The following IL1RAPL2 variants were observed in gnomAD, a reference collection of about 807,000 sequenced individuals.
IL1RAPL2 encodes X-linked interleukin-1 receptor accessory protein-like 2.
Under a neutral mutation model 44.1 loss-of-function variants are expected in IL1RAPL2, and 3 were observed. The ratio of observed to expected loss-of-function variants is 0.07; its 90% confidence interval spans 0.03 to 0.18. The LOEUF (loss-of-function observed/expected upper bound fraction) is 0.18. Ranked by LOEUF, IL1RAPL2 falls within the 10% of genes least tolerant of loss-of-function variation. The probability of loss-of-function intolerance (pLI) is 1.00; values close to 1 mark genes in which losing one functional copy is unlikely to be tolerated. For missense variants in IL1RAPL2, 391 were observed against 496.4 expected (o/e 0.79, Z 2.02); for synonymous variants, 181 against 178.8 (o/e 1.01, Z -0.10).
chrX:105,102,043 G>A (rs1263656308), intron 2 of IL1RAPL2, among the ~76,000 whole-genome samples: 1 of 111,965 alleles, frequency 8.9e-6, no homozygotes, highest in Non-Finnish European at 1.9e-5. Flanking sequence ...TGTGTGGAGT[G>A]TGGAGAGAGA....
At chrX:105,746,864 A>C (rs978802229) in intron 8 of IL1RAPL2, among the ~76,000 whole-genome samples, 3 of 111,803 alleles carry the variant, frequency 2.7e-5, no homozygotes, top group African/African-American at 9.8e-5. Flanking sequence ...AAGACCAAAA[A>C]ATTTATAGCA....
At chrX:104,597,563 T>C (rs1161817468) in intron 1 of IL1RAPL2, among the ~76,000 whole-genome samples, 2 of 111,475 alleles carry the variant, frequency 1.8e-5, no homozygotes, top group African/African-American at 3.3e-5. Flanking sequence ...CTGATTTGGA[T>C]ATATGCCATG....
At chrX:104,950,537 A>G (rs1488690381) in intron 2 of IL1RAPL2, among the ~76,000 whole-genome samples, 1 of 112,453 alleles carries the variant, frequency 8.9e-6, no homozygotes, top group Non-Finnish European at 1.9e-5. Context: ...TACCTAAGCA[A>G]GCCTGGGCAG....
In IL1RAPL2 at chrX:105,616,278, G is replaced by T. The variant is rs753171494; in HGVS notation, c.773-101089G>T. On this transcript the variant is annotated intron_variant, in intron 6 of 10. Transcript: ENST00000372582. ...GCTAGCAATAGATTAATATGGATCA[G>T]GAGTATATGGGTGTTCTTGGTACTA... Among the ~76,000 whole-genome samples, 16 of 111,781 alleles carry T rather than the reference G, an allele frequency of 1.4e-4. 1 individual carries two copies. In the South Asian group the frequency reaches 5.6e-3, roughly 39 times the overall value.
chrX:105,357,336 TAA>T (rs2147708750), intron 5 of IL1RAPL2, among the ~76,000 whole-genome samples: 1 of 111,941 alleles, frequency 8.9e-6, no homozygotes, highest in Non-Finnish European at 1.9e-5. Flanking sequence ...GTAATGTACT[TAA>T]GTGTCTTGAA....
intron 2 of IL1RAPL2, among the ~76,000 whole-genome samples, chrX:104,851,633 A>G (rs1602759475): frequency 1.8e-5 from 2 of 111,881 alleles, no homozygotes; most frequent in South Asian, 7.5e-4. Flanking sequence ...CCAGAGGTCA[A>G]GATTTGTCTG....
intron 2 of IL1RAPL2, among the ~76,000 whole-genome samples, chrX:105,049,411 G>A (rs945421919): frequency 4.5e-5 from 5 of 111,509 alleles, no homozygotes; most frequent in Non-Finnish European, 9.4e-5. Flanking sequence ...TCTTTTTCTT[G>A]TGGGTGCTCT....
intron 2 of IL1RAPL2, among the ~76,000 whole-genome samples, chrX:105,106,755 T>A (rs967695729): frequency 1.5e-4 from 17 of 112,218 alleles, no homozygotes; most frequent in African/African-American, 5.5e-4. Flanking sequence ...TAAATGGGAT[T>A]ACACCAATAA....
intron 2 of IL1RAPL2, among the ~76,000 whole-genome samples, chrX:104,861,680 C>T (rs1472888808): frequency 2.7e-5 from 3 of 110,884 alleles, no homozygotes; most frequent in Non-Finnish European, 5.7e-5. Context: ...CACCGATGCT[C>T]AGGTCCCTTA....
At chrX:104,610,071 C>A (rs1243403459) in intron 1 of IL1RAPL2, among the ~76,000 whole-genome samples, 1 of 111,367 alleles carries the variant, frequency 9.0e-6, no homozygotes, top group East Asian at 2.8e-4. Context: ...TGATTTTATT[C>A]ATTTTTGTTT....
At chrX:104,980,434 T>A (rs976345139) in intron 2 of IL1RAPL2, among the ~76,000 whole-genome samples, 5 of 111,885 alleles carry the variant, frequency 4.5e-5, no homozygotes, top group African/African-American at 1.6e-4. Context: ...TCACATTCTT[T>A]AAGAAACCCA....
Position 105,268,645 on chromosome X carries a change from G to A in IL1RAPL2, c.697+1104G>A, listed in dbSNP as rs764379613. 3.3e-3 allele frequency among the ~76,000 whole-genome samples: 363 copies of A among 109,947 alleles called. 2 individuals carry two copies. The highest frequency in any genetic ancestry group is 5.5e-3 in the Non-Finnish European group (290 of 52,701). On this transcript the variant is annotated intron_variant, in intron 5 of 10. Coordinates refer to ENST00000372582, the MANE Select transcript of IL1RAPL2 (RefSeq NM_017416.2). Reference sequence around the variant, plus strand: ...TTAGCCAGGCGTGGTGGCATGTGCCGATAATCCCAGCTACTAGGGAGGCTG... The same window carrying A: ...TTAGCCAGGCGTGGTGGCATGTGCCAATAATCCCAGCTACTAGGGAGGCTG...
At chrX:104,737,864 A>T (rs1176990751) in intron 2 of IL1RAPL2, among the ~76,000 whole-genome samples, 1 of 110,577 alleles carries the variant, frequency 9.0e-6, no homozygotes, top group Non-Finnish European at 1.9e-5. Flanking sequence ...CTTCCTTTCC[A>T]CTCTAAATAC....
At chrX:105,210,656 G>T (rs1556156755) in intron 3 of IL1RAPL2, among the ~76,000 whole-genome samples, 1 of 111,625 alleles carries the variant, frequency 9.0e-6, no homozygotes, top group Non-Finnish European at 1.9e-5. Flanking sequence ...GCCCTAGAAG[G>T]ATATAGACAA....
At chrX:105,179,562 T>C (rs781990152) in intron 2 of IL1RAPL2, among the ~76,000 whole-genome samples, 1 of 112,165 alleles carries the variant, frequency 8.9e-6, no homozygotes, top group African/African-American at 3.2e-5. Flanking sequence ...TTATATTGAA[T>C]CTGTAGATTG....
chrX:105,199,879 G>C (rs1202412099), intron 3 of IL1RAPL2, among the ~76,000 whole-genome samples: 2 of 111,864 alleles, frequency 1.8e-5, no homozygotes, highest in Non-Finnish European at 3.8e-5. Flanking sequence ...TGTTCTAATA[G>C]AATCAACCAG....
chrX:105,058,870 A>T (rs1319899987), intron 2 of IL1RAPL2, among the ~76,000 whole-genome samples: 1 of 111,881 alleles, frequency 8.9e-6, no homozygotes, highest in Non-Finnish European at 1.9e-5. Context: ...AAATATATTA[A>T]TAAGGGTAAT....
At chrX:105,144,447 T>G (rs1057404151) in intron 2 of IL1RAPL2, among the ~76,000 whole-genome samples, 10 of 111,423 alleles carry the variant, frequency 9.0e-5, no homozygotes, top group Non-Finnish European at 1.9e-4. Context: ...GTAGTTAAGA[T>G]GTAAGTCTTC....
chrX:105,169,257 C>A (rs1403992460), intron 2 of IL1RAPL2, among the ~76,000 whole-genome samples: 1 of 110,568 alleles, frequency 9.0e-6, no homozygotes, highest in Non-Finnish European at 1.9e-5. Context: ...ATCCAGAGTA[C>A]AATTTATTCA....
Sources: gnomAD v4.1 joint callset for allele counts (sites outside exome capture counted in the v4.1 genomes callset) on GRCh38, gnomAD v4.1.1 for gene constraint, MANE v1.5 for transcripts, NCBI Gene and HGNC (gene_info 2026-07-23, HGNC 2026-07-21) for gene names.